PUM2: variants seen among roughly 807,000 people sequenced by gnomAD.
PUM2 encodes the protein pumilio homolog 2.
In PUM2, 57 loss-of-function variants were observed where a neutral mutation model predicts 124.5. The observed-to-expected ratio is 0.46, with a 90% CI of 0.37 to 0.57. The LOEUF is 0.57. PUM2 is among the 20% of genes least tolerant of loss of function. The pLI is 0.00. For synonymous variants in PUM2, 460 were observed against 446.1 expected, an observed-to-expected ratio of 1.03 and a Z score of -0.39; for missense variants, 1,065 against 1,290.6, an observed-to-expected ratio of 0.83 and a Z score of 2.68.
Position 20,294,416 on chromosome 2 carries a change from C to G in PUM2, c.1112G>C (p.Ser371Thr), listed in dbSNP as rs1267409009. ...QAAAAANNTA[S>T]QQAASQAQPG... ...CTGAGCTTGTGATGCTGCTTGCTGA[C>G]TGGCTGTGTTATTTGCCGCAGCTGC... Residue 371 changes from serine (S) to threonine (T), a missense_variant, in exon 9 of 21, where the codon AGT becomes ACT. By Grantham distance (58) the Ser-to-Thr change is moderately conservative. This residue lies in a region of PUM2 where 968 missense variants were observed against 1,159.8 expected (regional missense o/e 0.83). Transcript: ENST00000361078. The G allele has an allele frequency of 6.2e-7, 1 of 1,614,052 alleles. No homozygotes were observed. Among genetic ancestry groups the G allele is most frequent in the Non-Finnish European group, 8.5e-7 (1 of 1,180,038 alleles).
chr2:20,346,455 A>G (rs1688262487), intron 1 of PUM2, among the ~76,000 whole-genome samples: 1 of 152,174 alleles, frequency 6.6e-6, no homozygotes, highest in South Asian at 2.1e-4. Context: ...TGCCTAATAA[A>G]GACCTATACT....
At chr2:20,257,994 T>C (rs1665223165) in intron 16 of PUM2, among the ~76,000 whole-genome samples, 1 of 152,164 alleles carries the variant, frequency 6.6e-6, no homozygotes, top group Non-Finnish European at 1.5e-5. Context: ...AGTAAGCAAG[T>C]AGTAATAAAA....
Position 20,269,637 on chromosome 2 carries a change from C to A in PUM2, c.1958-6177G>T, listed in dbSNP as rs1002471091. Among the ~76,000 whole-genome samples the A allele has an allele frequency of 3.9e-5, 6 of 152,164 alleles. No homozygotes were observed. The South Asian group carries it at 1.2e-3, about 32-fold the overall frequency. ...TTTAATAGGCTGTTATAAAAATACA[C>A]ACATGTCAAACGTACTACCTTAAAA... On this transcript the variant is annotated intron_variant, in intron 13 of 20. Transcript: ENST00000361078.
At chr2:20,336,802 G>GTGTGTGTGTGT (rs1572998287) in intron 1 of PUM2, among the ~76,000 whole-genome samples, 1 of 130,656 alleles carries the variant, frequency 7.7e-6, no homozygotes, top group Non-Finnish European at 1.6e-5. Flanking sequence ...GTGTGTGTGT[G>GTGTGTGTGTGT]GTACAGACGG....
At chr2:20,270,328 CT>C (rs1314794418) in intron 13 of PUM2, among the ~76,000 whole-genome samples, 1 of 152,106 alleles carries the variant, frequency 6.6e-6, no homozygotes, top group Non-Finnish European at 1.5e-5. Flanking sequence ...GGCCAGTTGC[CT>C]TTCTGATTGG....
Position 20,272,935 on chromosome 2 carries a change from T to C in PUM2, c.1957+5648A>G, listed in dbSNP as rs563219725. 6.6e-5 allele frequency among the ~76,000 whole-genome samples: 10 copies of C among 152,294 alleles called. 1 individual carries two copies. The South Asian group carries it at 1.7e-3, about 25-fold the overall frequency. On this transcript the variant is annotated intron_variant, in intron 13 of 20. Coordinates refer to ENST00000361078, the MANE Select transcript of PUM2 (RefSeq NM_015317.5). ...CTCCAGTGAAAATATTCTCTACATA[T>C]AAGAAACAACTTTTCAAAGCCATTC...
rs192317410 is a variant in PUM2, at chr2:20,294,565, A to G, written c.1010-47T>C. 2.7e-5 allele frequency: 42 copies of G among 1,551,564 alleles called. No individual in the cohort carries two copies. The African/African-American group carries it at 5.2e-4, about 19-fold the overall frequency. On this transcript the variant is annotated intron_variant, in intron 8 of 20. Transcript: ENST00000361078. ...CGAATAAAAAGTTACTAGATTTTAC[A>G]TAGACATGAGGTTAGCTACCTATCA...
intron 12 of PUM2, 129 bp from the exon 13 acceptor site, chr2:20,278,948 AT>A: frequency 1.4e-6 from 1 of 711,012 alleles, no homozygotes; most frequent in East Asian, 2.5e-5. Context: ...GGAGAAGATA[AT>A]TACTGTGATA....
At chr2:20,318,898 T>A (rs1423204872) in intron 2 of PUM2, among the ~76,000 whole-genome samples, 1 of 152,192 alleles carries the variant, frequency 6.6e-6, no homozygotes, top group African/African-American at 2.4e-5. Context: ...TTTTCATACA[T>A]TTTTATTACA....
intron 12 of PUM2, 139 bp downstream of exon 12, chr2:20,282,808 C>T (rs1671837097): frequency 1.0e-6 from 1 of 980,576 alleles, no homozygotes; most frequent in African/African-American, 1.7e-5. Flanking sequence ...ATTTTTTTTT[C>T]CTACAAATTA....
At chr2:20,335,150 C>T (rs1336009212) in intron 1 of PUM2, among the ~76,000 whole-genome samples, 2 of 152,166 alleles carry the variant, frequency 1.3e-5, no homozygotes, top group Non-Finnish European at 2.9e-5. Context: ...GTCTCAAACT[C>T]CTGGGCTCAA....
intron 1 of PUM2, among the ~76,000 whole-genome samples, chr2:20,332,286 T>A (rs763430656): frequency 2.2e-4 from 14 of 64,584 alleles, no homozygotes; most frequent in Non-Finnish European, 2.7e-4. Context: ...TACTAGAGTG[T>A]GTGTGTGTGT....
chr2:20,327,052 CA>C (rs1457870853), intron 2 of PUM2, among the ~76,000 whole-genome samples: 1 of 151,060 alleles, frequency 6.6e-6, no homozygotes, highest in African/African-American at 2.4e-5. Flanking sequence ...AGTTCATTAC[CA>C]AAATATAAGA....
intron 3 of PUM2, among the ~76,000 whole-genome samples, chr2:20,315,060 C>CTT (rs11327686): frequency 0.017 from 2,106 of 124,832 alleles, 15 homozygotes; most frequent in African/African-American, 0.03. Context: ...AAGTGTGCTT[C>CTT]TTTTTTTTTT....
intron 4 of PUM2, 86 bp from the exon 5 acceptor site, chr2:20,311,749 G>C (rs938491330): frequency 7.8e-7 from 1 of 1,274,950 alleles, no homozygotes; most frequent in African/African-American, 1.5e-5. Context: ...CTACACTACA[G>C]TGCATGTAAA....
At chr2:20,287,649 AG>A (rs1243204874) in intron 10 of PUM2, among the ~76,000 whole-genome samples, 1 of 152,230 alleles carries the variant, frequency 6.6e-6, no homozygotes, top group Non-Finnish European at 1.5e-5. Context: ...GCACTTTGGG[AG>A]GCCAAGGCAG....
chr2:20,260,935 T>C (rs1024786813), intron 14 of PUM2, among the ~76,000 whole-genome samples: 26 of 152,172 alleles, frequency 1.7e-4, no homozygotes, highest in African/African-American at 6.0e-4. Flanking sequence ...CATGCACTGC[T>C]TAACCACATT....
At chr2:20,332,961 A>G (rs1411404916) in intron 1 of PUM2, 1 of 152,226 alleles carries the variant, frequency 6.6e-6, no homozygotes. Context: ...AATAATGAGA[A>G]CTTACCAACA....
chr2:20,275,672 A>AC (rs1670069816), intron 13 of PUM2, among the ~76,000 whole-genome samples: 1 of 152,014 alleles, frequency 6.6e-6, no homozygotes, highest in Non-Finnish European at 1.5e-5. Flanking sequence ...AAATAAACCA[A>AC]CCAACCCATA....
Sources: gnomAD v4.1 joint callset for allele counts (sites outside exome capture counted in the v4.1 genomes callset) on GRCh38, gnomAD v4.1.1 for gene constraint, gnomAD v4.1.1 regional missense constraint, MANE v1.5 for transcripts, NCBI Gene and HGNC (gene_info 2026-07-23, HGNC 2026-07-21) for gene names.